PPOX: variants seen among roughly 807,000 people sequenced by gnomAD.
The protein encoded by PPOX is protoporphyrinogen oxidase.
PPOX carries 23 observed loss-of-function variants against 54.1 expected under a neutral mutation model. That is an observed-to-expected ratio of 0.43 (90% confidence interval 0.31 to 0.60). The LOEUF is 0.60. PPOX is among the 20% of genes least tolerant of loss of function. The pLI is 0.13. For synonymous variants in PPOX, 224 were observed against 236.1 expected, an observed-to-expected ratio of 0.95 and a Z score of 0.47; for missense variants, 512 against 601.1, an observed-to-expected ratio of 0.85 and a Z score of 1.55.
At chr1:161,170,162 G>A (rs893165437) in intron 9 of PPOX, 138 bp downstream of exon 9, 30 of 1,117,284 alleles carry the variant, frequency 2.7e-5, no homozygotes, top group Middle Eastern at 2.9e-4. Context: ...CCATCTCTAC[G>A]AAAAATACAA....
rs1310965461 is a variant in PPOX at position 161,166,643 on chromosome 1, C to T, written c.-38C>T. On this transcript the variant is annotated 5_prime_UTR_variant, in exon 1 of 13. Transcript: ENST00000367999. ...TCTTAGGACCTCGATCTCCTTCTCC[C>T]TCATTTTCTCTCATCCCTACCTATT... The T allele has an allele frequency of 1.4e-6, 2 of 1,470,612 alleles. No individual in the cohort carries two copies. Among genetic ancestry groups the T allele is most frequent in the African/African-American group, 2.8e-5 (2 of 71,250 alleles). 91.1% of individuals were successfully genotyped at this position (1,470,612 alleles called of 1,614,324 possible).
downstream of PPOX, chr1:161,172,147 C>A: frequency 6.2e-7 from 1 of 1,611,896 alleles, no homozygotes; most frequent in Non-Finnish European, 8.5e-7. Context: ...AATCTAGGGA[C>A]CTTTAGGATT....
At chr1:161,176,527 C>T (rs1663579707) in intron 4 of PPOX, 2 of 415,290 alleles carry the variant, frequency 4.8e-6, no homozygotes, top group East Asian at 9.2e-5. Flanking sequence ...GGAAATGTCA[C>T]AGAGGGCAGA....
downstream of PPOX, chr1:161,177,282 C>A: frequency 3.4e-6 from 2 of 580,714 alleles, no homozygotes; most frequent in Middle Eastern, 4.6e-4. Flanking sequence ...CGTGAGCCCG[C>A]CCGGCCCCCG....
Position 161,166,476 on chromosome 1 carries a change from T to C in PPOX, c.-205T>C. On this transcript the variant is annotated 5_prime_UTR_variant, in exon 1 of 13. Transcript: ENST00000367999. ...AGGCTGGGGGTGGGAGTAGCGGATTTGAAGCACTTGTTGGCCTACAGAGGT... is the reference window on the plus strand; with the variant it reads ...AGGCTGGGGGTGGGAGTAGCGGATTCGAAGCACTTGTTGGCCTACAGAGGT... The C allele has an allele frequency of 8.0e-7, 1 of 1,251,396 alleles. No individual in the cohort carries two copies. Among genetic ancestry groups the C allele is most frequent in the East Asian group, 4.2e-5 (1 of 23,818 alleles). The allele number at this position is 1,251,396 out of a possible 1,614,324, so 77.5% of individuals were successfully genotyped here.
chr1:161,175,335 G>T, downstream of PPOX: 1 of 973,324 alleles, frequency 1.0e-6, no homozygotes, highest in Non-Finnish European at 1.5e-6. Flanking sequence ...CTGGGGCTTA[G>T]TTCTCAGGGC....
chr1:161,165,753 G>GATTGCTTA, upstream of PPOX: 1 of 260,040 alleles, frequency 3.8e-6, no homozygotes, highest in African/African-American at 2.2e-5. Context: ...TTTGCTTAGG[G>GATTGCTTA]GGTGATAGAG....
chr1:161,167,316 T>C (rs776046720), intron 3 of PPOX, 55 bp from the exon 4 acceptor site: 1 of 1,614,036 alleles, frequency 6.2e-7, no homozygotes, highest in Non-Finnish European at 8.5e-7. Context: ...GAAGTATGTT[T>C]GGTGGGTCAG....
At chr1:161,169,860 C>T in intron 8 of PPOX, 46 bp from the exon 9 acceptor site, 1 of 1,614,158 alleles carries the variant, frequency 6.2e-7, no homozygotes, top group Non-Finnish European at 8.5e-7. Context: ...GGACTGACAA[C>T]TGTAATGGGA....
chr1:161,174,967 C>A, downstream of PPOX: 3 of 1,607,524 alleles, frequency 1.9e-6, no homozygotes, highest in South Asian at 3.3e-5. Context: ...GAAAGTCAGT[C>A]AAAATGAGGT....
chr1:161,172,338 G>A (rs763776973), downstream of PPOX: 3 of 1,612,260 alleles, frequency 1.9e-6, no homozygotes, highest in South Asian at 2.2e-5. Flanking sequence ...CACCCTATGG[G>A]AAAAGTGAGG....
chr1:161,167,583 T>TC, intron 4 of PPOX, 97 bp downstream of exon 4: 2 of 1,207,814 alleles, frequency 1.7e-6, no homozygotes, highest in Non-Finnish European at 2.3e-6. Flanking sequence ...TTTTTTTTTT[T>TC]TGAGACGGAG....
Position 161,166,893 on chromosome 1 carries a change from G to A in PPOX, c.46G>A (p.Ala16Thr), listed in dbSNP as rs773171980. Residue 16 changes from alanine to threonine, a missense_variant, in exon 2 of 13, where the codon GCC becomes ACC. Transcript: ENST00000367999. ...GCTGGGCGGAGGCATCAGCGGCTTG[G>A]CCGCCAGTTACCACCTGAGCCGGGC... is the stretch of plus-strand genomic sequence containing the variant. ...VVLGGGISGL[A>T]ASYHLSRAPC... 17 of 1,613,554 alleles carry A rather than the reference G, an allele frequency of 1.1e-5. No individual in the cohort carries two copies. The highest frequency in any genetic ancestry group is 7.7e-5 in the South Asian group (7 of 91,090).
chr1:161,166,304 C>G, upstream of PPOX: 1 of 1,022,172 alleles, frequency 9.8e-7, no homozygotes, highest in Non-Finnish European at 1.2e-6. Context: ...GCTCTTACAG[C>G]TGCCGTCGCT....
At chr1:161,171,847 G>C, downstream of PPOX, 1 of 1,614,018 alleles carries the variant, frequency 6.2e-7, no homozygotes. Flanking sequence ...TGTGTGGTTG[G>C]CAGTAGATAG....
At chr1:161,176,379 GAA>G in intron 4 of PPOX, 1 of 459,462 alleles carries the variant, frequency 2.2e-6, no homozygotes, top group South Asian at 2.7e-5. Context: ...GTTCATTTCA[GAA>G]AGTCTCTAGA....
chr1:161,173,761 C>T (rs1281424135), downstream of PPOX: 4 of 1,613,264 alleles, frequency 2.5e-6, no homozygotes, highest in Admixed American at 1.7e-5. Flanking sequence ...TACCCCGAGT[C>T]TTCTGGGGAC....
Position 161,168,012 on chromosome 1 carries a change from C to T in PPOX, c.356C>T (p.Ser119Leu), listed in dbSNP as rs1659743745. 3 of 1,614,224 alleles carry T rather than the reference C, an allele frequency of 1.9e-6. No homozygotes were observed. Among genetic ancestry groups the T allele is most frequent in the South Asian group, 1.1e-5 (1 of 91,086 alleles). Residue 119 changes from serine to leucine, a missense_variant, in exon 5 of 13, where the codon TCA (serine) becomes TTA (leucine). Physicochemically the swap from Ser to Leu is moderately radical, Grantham distance 145. Transcript: ENST00000367999. ...CCATGCAGGGGGCTACTCCGCCCTT[C>T]ACCCCCCTTCTCCAAACCTCTGTTT... The part of the protein sequence containing the change: ...PTGLRGLLRP[S>L]PPFSKPLFWA...
Position 161,169,777 on chromosome 1 carries a change from A to G in PPOX, c.868+57A>G, listed in dbSNP as rs745410567. 2.9e-5 allele frequency: 47 copies of G among 1,613,280 alleles called. 1 individual carries two copies. In the South Asian group the frequency reaches 4.7e-4, roughly 16 times the overall value. ...CCCCTACCAGTGAGAAGCAAAAGCT[A>G]TACCTTCCTGGGTCAGCAGGACCAC... On this transcript the variant is annotated intron_variant, in intron 8 of 12. Transcript: ENST00000367999.
Sources: allele counts gnomAD v4.1 joint callset, GRCh38; gene constraint gnomAD v4.1.1; transcripts MANE v1.5; gene names NCBI Gene and HGNC (gene_info 2026-07-23, HGNC 2026-07-21).